MAP4K3: variants seen among roughly 807,000 people sequenced by gnomAD.
MAP4K3 encodes the protein MAPK/ERK kinase kinase kinase 3.
In MAP4K3, 94 loss-of-function variants were observed where a neutral mutation model predicts 143.5. The ratio of observed to expected loss-of-function variants is 0.65; its 90% confidence interval spans 0.55 to 0.78. MAP4K3 has a LOEUF of 0.78. MAP4K3 is among the 30% of genes least tolerant of loss of function. The probability of loss-of-function intolerance (pLI) is 0.00; values close to 1 mark genes in which losing one functional copy is unlikely to be tolerated. For missense variants in MAP4K3, 1,077 were observed against 1,068.1 expected (o/e 1.01, Z -0.12); for synonymous variants, 416 against 347.2 (o/e 1.20, Z -2.20).
chr2:39,358,600 G>T (rs555784468), intron 2 of MAP4K3, among the ~76,000 whole-genome samples: 1 of 152,112 alleles, frequency 6.6e-6, no homozygotes. Flanking sequence ...CTATGTGATT[G>T]TGAGAATGGT....
intron 12 of MAP4K3, among the ~76,000 whole-genome samples, chr2:39,316,453 G>C (rs944877869): frequency 6.6e-6 from 1 of 152,052 alleles, no homozygotes; most frequent in Non-Finnish European, 1.5e-5. Flanking sequence ...TTAGAACAGA[G>C]GTGAACTGGA....
At chr2:39,338,545 T>C (rs1355984522) in intron 4 of MAP4K3, among the ~76,000 whole-genome samples, 1 of 152,218 alleles carries the variant, frequency 6.6e-6, no homozygotes. Flanking sequence ...AAACTTTACA[T>C]AAGTGGAATC....
chr2:39,345,403 C>G (rs937210662), intron 3 of MAP4K3, among the ~76,000 whole-genome samples: 3 of 152,056 alleles, frequency 2.0e-5, no homozygotes, highest in South Asian at 4.2e-4. Flanking sequence ...GGTGACAGAC[C>G]GAGATCTGAA....
chr2:39,290,035 C>T (rs569357422), intron 19 of MAP4K3, among the ~76,000 whole-genome samples: 1 of 146,136 alleles, frequency 6.8e-6, no homozygotes, highest in Non-Finnish European at 1.5e-5. Context: ...TGCAGTGAAC[C>T]GAGATCATGC....
intron 1 of MAP4K3, among the ~76,000 whole-genome samples, chr2:39,427,995 A>T (rs1237295527): frequency 6.6e-6 from 1 of 152,206 alleles, no homozygotes; most frequent in Non-Finnish European, 1.5e-5. Context: ...GTTCTCCACA[A>T]TCGCAAATAC....
intron 22 of MAP4K3, among the ~76,000 whole-genome samples, chr2:39,280,791 A>C (rs2148465445): frequency 6.6e-6 from 1 of 152,292 alleles, no homozygotes; most frequent in South Asian, 2.1e-4. Flanking sequence ...TGAATTTCAC[A>C]TTACAAACTG....
At chr2:39,343,793 C>T (rs1169991105) in intron 3 of MAP4K3, among the ~76,000 whole-genome samples, 1 of 152,114 alleles carries the variant, frequency 6.6e-6, no homozygotes, top group Non-Finnish European at 1.5e-5. Flanking sequence ...GGCAATAAAT[C>T]TCAAAGTATA....
At chr2:39,328,400 A>G (rs1683566741) in intron 8 of MAP4K3, among the ~76,000 whole-genome samples, 1 of 152,134 alleles carries the variant, frequency 6.6e-6, no homozygotes, top group African/African-American at 2.4e-5. Flanking sequence ...AGAAAGGCAA[A>G]TTTCTAAAGA....
intron 2 of MAP4K3, among the ~76,000 whole-genome samples, chr2:39,377,433 G>A (rs998166464): frequency 1.3e-5 from 2 of 151,974 alleles, no homozygotes; most frequent in African/African-American, 4.8e-5. Context: ...GTTTCTAAGA[G>A]AGAATAAACA....
chr2:39,272,875 G>A (rs889565866), intron 24 of MAP4K3, among the ~76,000 whole-genome samples: 4 of 152,038 alleles, frequency 2.6e-5, no homozygotes, highest in Non-Finnish European at 4.4e-5. Flanking sequence ...TGGTTCTGGG[G>A]TTGAATAAGA....
chr2:39,406,357 GAT>G (rs1018336444), intron 1 of MAP4K3, among the ~76,000 whole-genome samples: 18 of 152,138 alleles, frequency 1.2e-4, no homozygotes, highest in African/African-American at 3.9e-4. Context: ...CCTAGAGAAA[GAT>G]ATTAATATCC....
intron 13 of MAP4K3, among the ~76,000 whole-genome samples, chr2:39,312,895 T>A (rs781326118): frequency 6.6e-6 from 1 of 152,236 alleles, no homozygotes; most frequent in Non-Finnish European, 1.5e-5. Flanking sequence ...CCTTGTGTTA[T>A]TGCCACCTGT....
At chr2:39,344,111 C>T (rs971274342) in intron 3 of MAP4K3, among the ~76,000 whole-genome samples, 1 of 152,168 alleles carries the variant, frequency 6.6e-6, no homozygotes, top group Non-Finnish European at 1.5e-5. Flanking sequence ...ACTCAGCAAG[C>T]TCTAATGCAG....
At chr2:39,330,872 T>C (rs912710171) in intron 8 of MAP4K3, among the ~76,000 whole-genome samples, 4 of 152,084 alleles carry the variant, frequency 2.6e-5, no homozygotes, top group Non-Finnish European at 5.9e-5. Flanking sequence ...GTACTGTTAA[T>C]TGACTCAGCA....
chr2:39,283,236 T>C (rs1681617102), intron 21 of MAP4K3, among the ~76,000 whole-genome samples: 1 of 152,084 alleles, frequency 6.6e-6, no homozygotes, highest in Admixed American at 6.5e-5. Context: ...TCAAACTGCT[T>C]TTCAGAGTGT....
intron 1 of MAP4K3, among the ~76,000 whole-genome samples, chr2:39,436,329 A>AAAAC: frequency 6.6e-6 from 1 of 152,298 alleles, no homozygotes; most frequent in Non-Finnish European, 1.5e-5. Flanking sequence ...AAAAAAAAAA[A>AAAAC]AAAGTCATTA....
chr2:39,388,612 G>C (rs1666572923), intron 1 of MAP4K3, among the ~76,000 whole-genome samples: 1 of 152,126 alleles, frequency 6.6e-6, no homozygotes, highest in Admixed American at 6.5e-5. Flanking sequence ...ACACCGCACA[G>C]GTAGGTTGGG....
chr2:39,299,862 A>AAT (rs1682437925), intron 15 of MAP4K3, 61 bp from the exon 16 acceptor site: 1 of 676,364 alleles, frequency 1.5e-6, no homozygotes. Context: ...ATGATACATT[A>AAT]ATATATATAA....
chr2:39,296,606 A>G lies in MAP4K3; in HGVS notation c.1178+3137T>C, dbSNP rs146257858. 3.0e-3 allele frequency among the ~76,000 whole-genome samples: 451 copies of G among 152,368 alleles called. 1 individual carries two copies. The highest frequency in any genetic ancestry group is 0.01 in the African/African-American group (421 of 41,590). ...TACTCAGCATATTTGCATTAGCTAA[A>G]GAATCAGTGCTGCGGTTATTAACAT... On this transcript the variant is annotated intron_variant, in intron 16 of 33. Transcript: ENST00000263881.
Sources: gnomAD v4.1 joint callset for allele counts (sites outside exome capture counted in the v4.1 genomes callset) on GRCh38, gnomAD v4.1.1 for gene constraint, MANE v1.5 for transcripts, NCBI Gene and HGNC (gene_info 2026-07-23, HGNC 2026-07-21) for gene names.